The following ZSCAN29 variants were observed in gnomAD, a reference collection of about 807,000 sequenced individuals.
ZSCAN29 encodes the protein zinc finger and SCAN domain containing 29, also known as zinc finger and SCAN domain-containing protein 29.
Under a neutral mutation model 71.9 loss-of-function variants are expected in ZSCAN29, and 55 were observed. The ratio of observed to expected loss-of-function variants is 0.76; its 90% CI spans 0.62 to 0.96. ZSCAN29 has a LOEUF of 0.96. ZSCAN29 is among the 40% of genes least tolerant of loss of function. ZSCAN29 has a pLI of 0.00. For missense variants in ZSCAN29, 1,042 were observed against 1,042.2 expected, an observed-to-expected ratio of 1.00 and a Z score of 0.00; for synonymous variants, 351 against 371.6, an observed-to-expected ratio of 0.94 and a Z score of 0.64.
At position 43,369,454 on chromosome 15, in the gene ZSCAN29, A is replaced by C. The variant is rs988579306; in HGVS notation, c.318+142T>G. 6 of 874,988 alleles carry C rather than the reference A, an allele frequency of 6.9e-6. No homozygotes were observed. The East Asian group carries it at 7.7e-5, about 11-fold the overall frequency. The allele number at this position is 874,988 out of a possible 1,614,324, so 54.2% of individuals were successfully genotyped here. A position where few individuals can be genotyped will look rare whatever the true frequency, so the allele number is the denominator to read the frequency against. ...CAGGAAGCATCTCCAGACAAGCACT[A>C]TCTGAAAAAGTTACCTATACCAGAC... On this transcript the variant is annotated intron_variant, in intron 2 of 5. Transcript: ENST00000684362.
chr15:43,361,231 T>A lies in ZSCAN29; in HGVS notation c.2401A>T (p.Lys801Ter), dbSNP rs1384664848. ...VCPDCGKSFS[K>*]SSDLRAHHRT... is the part of the protein sequence containing the mutation. Reference sequence around the variant, plus strand: ...TGATGTGCACGTAAGTCAGAACTCTTACTGAAACTCTTTCCACAGTCAGGA... The same window carrying A: ...TGATGTGCACGTAAGTCAGAACTCTAACTGAAACTCTTTCCACAGTCAGGA... The change falls in exon 6 of 6, where the codon AAG becomes TAG. Residue 801 changes from lysine (K) to a stop codon, truncating the protein, a stop_gained. Transcript: ENST00000684362. LOFTEE classifies it high-confidence loss of function. 1.2e-6 allele frequency: 2 copies of A among 1,613,804 alleles called. No homozygotes were observed. The highest frequency in any genetic ancestry group is 2.7e-5 in the African/African-American group (2 of 74,914).
In ZSCAN29 at chr15:43,364,053, TGG is replaced by T; in HGVS notation, c.1550_1551del (p.Thr517LysfsTer2). On this transcript the variant is annotated frameshift_variant, in exon 5 of 6. Coordinates refer to ENST00000684362, the MANE Select transcript of ZSCAN29 (RefSeq NM_001372080.1). LOFTEE classifies it high-confidence loss of function. ...EETASCPVQGTSEAEAQKQAE... is the reference protein window; with the variant it reads ...EETASCPVQGXSEAEAQKQAE... ...GCTTGCTTCTGAGCTTCAGCCTCACTGGTCCCCTGGACGGGGCAAGAAGCAGT... is the reference window on the plus strand; with the variant it reads ...GCTTGCTTCTGAGCTTCAGCCTCACTTCCCCTGGACGGGGCAAGAAGCAGT... 1 of 1,614,202 alleles carries T rather than the reference TGG, an allele frequency of 6.2e-7. No individual in the cohort carries two copies. Among genetic ancestry groups the T allele is most frequent in the Non-Finnish European group, 8.5e-7 (1 of 1,180,040 alleles).
chr15:43,363,757 C>T lies in ZSCAN29; in HGVS notation c.1690+158G>A, dbSNP rs149867188. 225 of 620,062 alleles carry T rather than the reference C, an allele frequency of 3.6e-4. 3 individuals carry two copies. Among genetic ancestry groups the T allele is most frequent in the African/African-American group, 3.5e-3 (191 of 54,564 alleles). The allele number at this position is 620,062 out of a possible 1,614,324, so 38.4% of individuals were successfully genotyped here. ...TCAAGTCACATAAATAATTTATATC[C>T]CCTCAGTGAGCTGCTTTAATAGACA... On this transcript the variant is annotated intron_variant, in intron 5 of 5. Coordinates refer to ENST00000684362, the MANE Select transcript of ZSCAN29 (RefSeq NM_001372080.1).
intron 5 of ZSCAN29, 152 bp downstream of exon 5, chr15:43,363,763 G>T: frequency 1.5e-6 from 1 of 671,238 alleles, no homozygotes. Context: ...TATCCCCTCA[G>T]TGAGCTGCTT....
chr15:43,361,646 T>G lies in ZSCAN29; in HGVS notation c.1986A>C (p.Pro662=), dbSNP rs1566881874. ...KYLKYSKSFG[P]NSLLMHQVSH... is the part of the protein sequence containing the mutation. ...ATACCTGATGCATGAGAAGGGAGTTTGGACCAAAGCTTTTGCTGTATTTGA... is the reference window on the plus strand; with the variant it reads ...ATACCTGATGCATGAGAAGGGAGTTGGGACCAAAGCTTTTGCTGTATTTGA... Residue 662 remains proline (P), a synonymous_variant, in exon 6 of 6, where the codon CCA becomes CCC. Transcript: ENST00000684362. The G allele has an allele frequency of 6.2e-7, 1 of 1,614,214 alleles. No homozygotes were observed.
At position 43,369,064 on chromosome 15, in the gene ZSCAN29, GTGA is replaced by G. The variant is rs1595469354; in HGVS notation, c.379_381del (p.Ser127del). 6 of 1,608,516 alleles carry G rather than the reference GTGA, an allele frequency of 3.7e-6. No homozygotes were observed. Among genetic ancestry groups the G allele is most frequent in the Non-Finnish European group, 5.1e-6 (6 of 1,176,372 alleles). On this transcript the variant is annotated inframe_deletion, in exon 3 of 6. Transcript: ENST00000684362. ...TCCTGCCGAACACTTAATAACTCTT[GTGA>G]TGATTTCGGGGGTGTCATCTTCTCC...
chr15:43,365,337 T>C (rs1326781676), intron 4 of ZSCAN29, among the ~76,000 whole-genome samples: 1 of 152,236 alleles, frequency 6.6e-6, no homozygotes, highest in Non-Finnish European at 1.5e-5. Context: ...ACATTAATGG[T>C]AGTAAATGAT....
At position 43,371,033 on chromosome 15, in the gene ZSCAN29, A is replaced by G; in HGVS notation, c.-588T>C. On this transcript the variant is annotated 5_prime_UTR_variant, in exon 1 of 6. Coordinates refer to ENST00000684362, the MANE Select transcript of ZSCAN29 (RefSeq NM_001372080.1). Reference sequence around the variant, plus strand: ...CTCCAGCCTCCCAAGTACAGCTCCCAAACCGGAAGTCCGAGCGGGCGGCTC... The same window carrying G: ...CTCCAGCCTCCCAAGTACAGCTCCCGAACCGGAAGTCCGAGCGGGCGGCTC... 2.3e-6 allele frequency: 1 copy of G among 426,688 alleles called. No homozygotes were observed. The highest frequency in any genetic ancestry group is 4.4e-6 in the Non-Finnish European group (1 of 225,628). 26.4% of individuals were successfully genotyped at this position (426,688 alleles called of 1,614,324 possible). A position where few individuals can be genotyped will look rare whatever the true frequency, so the allele number is the denominator to read the frequency against.
chr15:43,366,513 A>G lies in ZSCAN29; in HGVS notation c.819T>C (p.His273=), dbSNP rs1433934378. ...TEFYEALRNC[H]RNSQVYGAVA... is the part of the protein sequence containing the mutation. ...CAGCCCCATACACTTGGCTGTTCCTATGGCAGTTTCTGAGAGCCTCATAAA... is the reference window on the plus strand; with the variant it reads ...CAGCCCCATACACTTGGCTGTTCCTGTGGCAGTTTCTGAGAGCCTCATAAA... Residue 273 remains histidine, a synonymous_variant, in exon 4 of 6, where the codon CAT becomes CAC. Coordinates refer to ENST00000684362, the MANE Select transcript of ZSCAN29 (RefSeq NM_001372080.1). 6.2e-6 allele frequency: 10 copies of G among 1,614,022 alleles called. No homozygotes were observed. The highest frequency in any genetic ancestry group is 2.2e-5 in the East Asian group (1 of 44,892).
chr15:43,364,892 C>CAAAAAAA (rs57976198), intron 4 of ZSCAN29, among the ~76,000 whole-genome samples: 1 of 38,938 alleles, frequency 2.6e-5, no homozygotes. Flanking sequence ...GACTCTGTCT[C>CAAAAAAA]AAAAAAAAAA....
chr15:43,363,241 A>G (rs1019259775), intron 5 of ZSCAN29, among the ~76,000 whole-genome samples: 2 of 152,198 alleles, frequency 1.3e-5, no homozygotes, highest in African/African-American at 2.4e-5. Context: ...GGCCTCCCAA[A>G]ATGCTGGGAT....
At chr15:43,364,977 A>G (rs1315478845) in intron 4 of ZSCAN29, among the ~76,000 whole-genome samples, 1 of 152,014 alleles carries the variant, frequency 6.6e-6, no homozygotes, top group East Asian at 1.9e-4. Context: ...ATTAACCTAC[A>G]TATATTTGTG....
chr15:43,361,159 T>C lies in ZSCAN29; in HGVS notation c.2473A>G (p.Lys825Glu). ...EKPYGCHDCG[K>E]CFSKSSALNK... ...AGGGCAGAGCTTTTACTGAAGCACT[T>C]ACCACAGTCATGACACCCATAGGGT... The change falls in exon 6 of 6, where the codon AAG becomes GAG. Residue 825 changes from lysine to glutamate, a missense_variant. Transcript: ENST00000684362. 2 of 1,614,186 alleles carry C rather than the reference T, an allele frequency of 1.2e-6. No individual in the cohort carries two copies. Among genetic ancestry groups the C allele is most frequent in the South Asian group, 1.1e-5 (1 of 91,090 alleles).
rs1365343763 is a variant in ZSCAN29, at chr15:43,363,972, C to G, written c.1633G>C (p.Glu545Gln). 2 of 1,614,028 alleles carry G rather than the reference C, an allele frequency of 1.2e-6. No individual in the cohort carries two copies. The highest frequency in any genetic ancestry group is 1.7e-6 in the Non-Finnish European group (2 of 1,180,006). ...EDSDDDEEDT[E>Q]IPPGAVITRA... ...GTTATGACAGCCCCTGGGGGTATCT[C>G]AGTATCCTCTTCATCATCATCAGAA... Residue 545 changes from glutamate (E) to glutamine (Q), a missense_variant, in exon 5 of 6, where the codon GAG becomes CAG. Physicochemically the swap from Glu to Gln is conservative, Grantham distance 29. Coordinates refer to ENST00000684362, the MANE Select transcript of ZSCAN29 (RefSeq NM_001372080.1).
At chr15:43,366,031 A>T in intron 4 of ZSCAN29, 79 bp downstream of exon 4, 1 of 1,439,758 alleles carries the variant, frequency 6.9e-7, no homozygotes, top group East Asian at 2.3e-5. Context: ...GGCATGTGAC[A>T]TTAAGCCTTC....
chr15:43,369,966 C>A lies in ZSCAN29; in HGVS notation c.-53G>T. ...TTAGGAGTCTGGGTTCCAGGGCTTA[C>A]ATCTATCTTCCCATGTCCTTGGAGA... is the stretch of plus-strand genomic sequence containing the variant. On this transcript the variant is annotated 5_prime_UTR_variant, in exon 2 of 6. An upstream start codon of the reference 5' UTR is lost. Transcript: ENST00000684362. The A allele has an allele frequency of 6.6e-7, 1 of 1,514,142 alleles. No individual in the cohort carries two copies. Among genetic ancestry groups the A allele is most frequent in the Non-Finnish European group, 8.9e-7 (1 of 1,127,970 alleles). 93.8% of individuals were successfully genotyped at this position (1,514,142 alleles called of 1,614,324 possible). A position where few individuals can be genotyped will look rare whatever the true frequency, so the allele number is the denominator to read the frequency against.
rs751637493 is a variant in ZSCAN29 at position 43,361,114 on chromosome 15, G to C, written c.2518C>G (p.His840Asp). ...TGTGTCAGAAGCTTTTCCCGTGCAT[G>C]GATTTCTCCGTGCTTATTAAGGGCA... ...SSALNKHGEI[H>D]AREKLLTQSA... Residue 840 changes from histidine to aspartate, a missense_variant, in exon 6 of 6, where the codon CAT becomes GAT. Coordinates refer to ENST00000684362, the MANE Select transcript of ZSCAN29 (RefSeq NM_001372080.1). The C allele has an allele frequency of 6.2e-7, 1 of 1,608,938 alleles. No individual in the cohort carries two copies. The highest frequency in any genetic ancestry group is 1.1e-5 in the South Asian group (1 of 91,008).
rs766680250 is a variant in ZSCAN29, at chr15:43,369,782, A to G, written c.132T>C (p.Cys44=). ...TGCGCACCTCCGGCCTTAGCCACCG[A>G]CAGCAAAGTTCCCAGAGTTGGCTGA... ...EAFSQLWELC[C]RWLRPEVRTK... is the part of the protein sequence containing the mutation. Residue 44 remains cysteine (C), a synonymous_variant, in exon 2 of 6, where the codon TGT becomes TGC. Coordinates refer to ENST00000684362, the MANE Select transcript of ZSCAN29 (RefSeq NM_001372080.1). The G allele has an allele frequency of 6.8e-6, 11 of 1,614,130 alleles. No individual in the cohort carries two copies. The East Asian group carries it at 2.0e-4, about 29-fold the overall frequency.
At position 43,366,529 on chromosome 15, in the gene ZSCAN29, G is replaced by A. The variant is rs767963686; in HGVS notation, c.803C>T (p.Ala268Val). 1.2e-6 allele frequency: 2 copies of A among 1,614,246 alleles called. No homozygotes were observed. Among genetic ancestry groups the A allele is most frequent in the South Asian group, 2.2e-5 (2 of 91,090 alleles). Reference protein sequence around the residue: ...AILSQTEFYEALRNCHRNSQV... With the variant: ...AILSQTEFYEVLRNCHRNSQV... Reference sequence around the variant, plus strand: ...GCTGTTCCTATGGCAGTTTCTGAGAGCCTCATAAAACTCAGTCTGGCTGAG... The same window carrying A: ...GCTGTTCCTATGGCAGTTTCTGAGAACCTCATAAAACTCAGTCTGGCTGAG... Residue 268 changes from alanine (A) to valine (V), a missense_variant, in exon 4 of 6, where the codon GCT (alanine) becomes GTT (valine). Ala to Val is a moderately conservative substitution (Grantham distance 64, BLOSUM62 0). Transcript: ENST00000684362.
Sources: allele counts gnomAD v4.1 joint callset (sites outside exome capture counted in the v4.1 genomes callset), GRCh38; gene constraint gnomAD v4.1.1; transcripts MANE v1.5; gene names NCBI Gene and HGNC (gene_info 2026-07-23, HGNC 2026-07-21).